Variants in OGDH observed in about 807,000 individuals in gnomAD.
The protein encoded by OGDH is oxoglutarate dehydrogenase, also known as 2-oxoglutarate dehydrogenase complex component E1.
In OGDH, 38 loss-of-function variants were observed where a neutral mutation model predicts 116.6. The ratio of observed to expected loss-of-function variants is 0.33; its 90% CI spans 0.25 to 0.43. The LOEUF (loss-of-function observed/expected upper bound fraction) is 0.43, where lower values mean the gene tolerates loss of function less well. Ranked by LOEUF, OGDH falls within the 20% of genes least tolerant of loss-of-function variation. OGDH has a pLI of 1.00. For synonymous variants in OGDH, 488 were observed against 533.3 expected (o/e 0.92, Z 1.17); for missense variants, 825 against 1,357.2 (o/e 0.61, Z 6.16).
At chr7:44,663,855 AC>A (rs1787058829) in intron 4 of OGDH, among the ~76,000 whole-genome samples, 1 of 151,982 alleles carries the variant, frequency 6.6e-6, no homozygotes, top group South Asian at 2.1e-4. Context: ...TTGGAGGATC[AC>A]CTGAGCCCTG....
At chr7:44,673,698 C>A in intron 5 of OGDH, 89 bp from the exon 6 acceptor site, 2 of 1,306,504 alleles carry the variant, frequency 1.5e-6, no homozygotes, top group Non-Finnish European at 1.1e-6. Flanking sequence ...TGCTTATCCC[C>A]TCCTTCTGGC....
intron 1 of OGDH, among the ~76,000 whole-genome samples, chr7:44,607,047 A>T (rs1784381142): frequency 6.6e-6 from 1 of 152,186 alleles, no homozygotes; most frequent in African/African-American, 2.4e-5. Context: ...TCACGTGGTT[A>T]GGCCGCTCTC....
intron 2 of OGDH, among the ~76,000 whole-genome samples, chr7:44,632,860 C>T (rs1038760809): frequency 6.7e-6 from 1 of 150,008 alleles, no homozygotes; most frequent in Non-Finnish European, 1.5e-5. Flanking sequence ...CCTCATGATC[C>T]GCCTGGTGGA....
At chr7:44,683,419 CG>C (rs1788011620) in intron 10 of OGDH, among the ~76,000 whole-genome samples, 1 of 151,670 alleles carries the variant, frequency 6.6e-6, no homozygotes, top group African/African-American at 2.4e-5. Context: ...TGTGTAGAGG[CG>C]GGATGTCACT....
At chr7:44,661,035 T>G (rs1786916164) in intron 4 of OGDH, among the ~76,000 whole-genome samples, 1 of 152,242 alleles carries the variant, frequency 6.6e-6, no homozygotes, top group South Asian at 2.1e-4. Flanking sequence ...AGTCAGTTAT[T>G]GAGAGAGGGG....
At chr7:44,652,551 CTTTATTTTTTTAT>C (rs1786497675) in intron 4 of OGDH, among the ~76,000 whole-genome samples, 1 of 152,018 alleles carries the variant, frequency 6.6e-6, no homozygotes, top group African/African-American at 2.4e-5. Context: ...ACATGAGATA[CTTTATTTTTTTAT>C]TTTATTTTAT....
rs1788160998 is a variant in OGDH at position 44,687,073 on chromosome 7, T to G, written c.1335+5225T>G. Among the ~76,000 whole-genome samples, 6 of 150,616 alleles carry G rather than the reference T, an allele frequency of 4.0e-5. No individual in the cohort carries two copies. The South Asian group carries it at 1.2e-3, about 31-fold the overall frequency. On this transcript the variant is annotated intron_variant, in intron 10 of 22. Transcript: ENST00000222673. Reference sequence around the variant, plus strand: ...TTCTGTTTGGGATATGCTCATGTTTTTAAAAAAATTTTTTTTAATTTTTTT... The same window carrying G: ...TTCTGTTTGGGATATGCTCATGTTTGTAAAAAAATTTTTTTTAATTTTTTT...
At chr7:44,613,535 A>G (rs913897026) in intron 1 of OGDH, among the ~76,000 whole-genome samples, 19 of 150,584 alleles carry the variant, frequency 1.3e-4, no homozygotes, top group African/African-American at 4.4e-4. Context: ...AATTTTTTGT[A>G]TTTTTAGTAG....
intron 1 of OGDH, among the ~76,000 whole-genome samples, chr7:44,613,306 A>T (rs945494703): frequency 6.6e-6 from 1 of 151,048 alleles, no homozygotes; most frequent in African/African-American, 2.4e-5. Flanking sequence ...CTCCTGAGTA[A>T]CTGGGACTAT....
intron 1 of OGDH, among the ~76,000 whole-genome samples, chr7:44,611,225 C>T (rs192445215): frequency 3.3e-4 from 50 of 151,452 alleles, no homozygotes; most frequent in South Asian, 2.1e-4. Context: ...CTAAGAGTAC[C>T]GGAGTCTGCA....
At position 44,707,655 on chromosome 7, in the gene OGDH, A is replaced by G; in HGVS notation, c.2870A>G (p.Gln957Arg). ...KYPNAELAWC[Q>R]EEHKNQGYYD... ...CCCAATGCTGAGCTGGCCTGGTGCC[A>G]GGAGGAGCACAAGAACCAAGGCTAC... The change falls in exon 22 of 23, where the codon CAG becomes CGG. Residue 957 changes from glutamine (Q) to arginine (R), a missense_variant. Gln to Arg is a conservative substitution (Grantham distance 43, BLOSUM62 1). Around this residue, in one of 7 missense-constraint regions of OGDH, gnomAD observed 212 missense variants for 284.3 expected, o/e 0.75. Transcript: ENST00000222673. This position sits in a 1 kb window ranked among gnomAD's most constrained non-coding sequence, Gnocchi z 5.2. The G allele has an allele frequency of 6.2e-7, 1 of 1,614,188 alleles. No individual in the cohort carries two copies. The highest frequency in any genetic ancestry group is 8.5e-7 in the Non-Finnish European group (1 of 1,180,038).
intron 3 of OGDH, chr7:44,647,448 G>C: frequency 6.5e-7 from 1 of 1,537,204 alleles, no homozygotes; most frequent in Non-Finnish European, 8.7e-7. Flanking sequence ...TTCCAGGTCA[G>C]GGGTCACCAC....
At chr7:44,696,207 A>T in intron 13 of OGDH, 80 bp downstream of exon 13, 1 of 1,180,940 alleles carries the variant, frequency 8.5e-7, no homozygotes, top group East Asian at 2.4e-5. Context: ...GAAAAAATTC[A>T]TGCTTTCCAC....
chr7:44,658,695 C>T (rs1477143733), intron 4 of OGDH, among the ~76,000 whole-genome samples: 3 of 152,026 alleles, frequency 2.0e-5, no homozygotes, highest in East Asian at 3.9e-4. Flanking sequence ...ATAATGTTAA[C>T]TGTAGATTTT....
intron 2 of OGDH, among the ~76,000 whole-genome samples, chr7:44,636,260 A>G (rs1464287461): frequency 6.6e-6 from 1 of 152,198 alleles, no homozygotes; most frequent in Non-Finnish European, 1.5e-5. Context: ...TGCTGGGGGA[A>G]GGGATGTCAG....
chr7:44,705,839 G>C (rs937450399), intron 20 of OGDH, among the ~76,000 whole-genome samples: 1 of 152,208 alleles, frequency 6.6e-6, no homozygotes, highest in Non-Finnish European at 1.5e-5. Flanking sequence ...GTATTAGGGT[G>C]TCCGTCACCC....
intron 1 of OGDH, among the ~76,000 whole-genome samples, chr7:44,621,838 T>G (rs1785021546): frequency 6.6e-6 from 1 of 151,418 alleles, no homozygotes; most frequent in South Asian, 2.1e-4. Context: ...ACCACTGCAC[T>G]CCAGCCTGGA....
At position 44,697,251 on chromosome 7, in the gene OGDH, T is replaced by A. The variant is rs1397767268; in HGVS notation, c.2052-119T>A. On this transcript the variant is annotated intron_variant, in intron 15 of 22. Transcript: ENST00000222673. The surrounding 1 kb of genome is among the most constrained non-coding windows in gnomAD (Gnocchi z 6.0). ...ACCTGGGTGGGGCCGACCCTGCAGC[T>A]GCCTGGCCAGAAGTCCAGGTCACAG... 3 of 1,492,102 alleles carry A rather than the reference T, an allele frequency of 2.0e-6. No individual in the cohort carries two copies. Among genetic ancestry groups the A allele is most frequent in the Non-Finnish European group, 2.7e-6 (3 of 1,092,610 alleles). 92.4% of individuals were successfully genotyped at this position (1,492,102 alleles called of 1,614,324 possible). A position where few individuals can be genotyped will look rare whatever the true frequency, so the allele number is the denominator to read the frequency against.
At chr7:44,698,123 G>A in intron 17 of OGDH, 69 bp from the exon 18 acceptor site, 1 of 1,548,174 alleles carries the variant, frequency 6.5e-7, no homozygotes, top group Non-Finnish European at 8.9e-7. Context: ...TGGTTGAGGA[G>A]GAACAGCAGA....
Sources: gnomAD v4.1 joint callset for allele counts (sites outside exome capture counted in the v4.1 genomes callset) on GRCh38, gnomAD v4.1.1 for gene constraint, gnomAD v4.1.1 regional missense constraint, Gnocchi (gnomAD v3.1) non-coding constraint, MANE v1.5 for transcripts, NCBI Gene and HGNC (gene_info 2026-07-23, HGNC 2026-07-21) for gene names.